The following GRM5 variants were observed in gnomAD, a reference collection of about 807,000 sequenced individuals.
GRM5 encodes the protein metabotropic glutamate receptor 5.
In GRM5, 19 loss-of-function variants were observed where a neutral mutation model predicts 83.1. The ratio of observed to expected loss-of-function variants is 0.23; its 90% CI spans 0.16 to 0.34. The LOEUF is 0.34. GRM5 is among the 10% of genes least tolerant of loss of function. The probability of loss-of-function intolerance (pLI) is 1.00; values close to 1 mark genes in which losing one functional copy is unlikely to be tolerated. For synonymous variants in GRM5, 675 were observed against 633.6 expected, an observed-to-expected ratio of 1.07 and a Z score of -0.98; for missense variants, 1,160 against 1,588.3, an observed-to-expected ratio of 0.73 and a Z score of 4.58.
At chr11:88,820,226 A>C (rs953409823) in intron 3 of GRM5, among the ~76,000 whole-genome samples, 1 of 104,896 alleles carries the variant, frequency 9.5e-6, no homozygotes, top group Non-Finnish European at 1.6e-5. Context: ...TAAAAAATAC[A>C]AAAAAAAAAA....
At chr11:89,000,201 C>T (rs1940326544) in intron 2 of GRM5, among the ~76,000 whole-genome samples, 1 of 152,002 alleles carries the variant, frequency 6.6e-6, no homozygotes. Flanking sequence ...AACAAACCTG[C>T]ATGTTGTGCA....
intron 2 of GRM5, among the ~76,000 whole-genome samples, chr11:88,987,625 A>G (rs1939774163): frequency 6.6e-6 from 1 of 151,666 alleles, no homozygotes; most frequent in African/African-American, 2.4e-5. Flanking sequence ...ACAGCTTTGA[A>G]GAGAGCAGTG....
chr11:88,646,892 A>G (rs958288787), intron 4 of GRM5, among the ~76,000 whole-genome samples: 3 of 92,670 alleles, frequency 3.2e-5, no homozygotes, highest in African/African-American at 5.5e-5. Flanking sequence ...TAAGGTTGCC[A>G]TTACAAAAAA....
intron 2 of GRM5, among the ~76,000 whole-genome samples, chr11:88,897,865 A>G (rs1292219873): frequency 6.6e-6 from 1 of 151,998 alleles, no homozygotes; most frequent in East Asian, 1.9e-4. Flanking sequence ...TTCTTTGTAA[A>G]GGAGAAAACA....
rs200343438 is a variant in GRM5 at position 88,978,474 on chromosome 11, T to TAAAAAAAAA, written c.661+68729_661+68737dup. The stretch of plus-strand genomic sequence containing the variant: ...TAACATTAACAACAGCAGATGAGCT[T>TAAAAAAAAA]AAAAAAAAAAAAAAAAAAAAAAAAA... On this transcript the variant is annotated intron_variant, in intron 2 of 9. Coordinates refer to ENST00000305447, the MANE Select transcript of GRM5 (RefSeq NM_001143831.3). Among the ~76,000 whole-genome samples, 33 of 97,972 alleles carry TAAAAAAAAA rather than the reference T, an allele frequency of 3.4e-4. 1 individual carries two copies. The highest frequency in any genetic ancestry group is 8.5e-4 in the African/African-American group (23 of 27,202). The allele number at this position is 97,972 out of a possible 152,430, so 64.3% of individuals were successfully genotyped here.
At chr11:89,015,607 G>T (rs1440362603) in intron 2 of GRM5, among the ~76,000 whole-genome samples, 2 of 152,088 alleles carry the variant, frequency 1.3e-5, no homozygotes, top group African/African-American at 4.8e-5. Flanking sequence ...TTAATCCAAA[G>T]CTACACAGAG....
intron 2 of GRM5, among the ~76,000 whole-genome samples, chr11:89,014,582 T>C (rs1001353395): frequency 2.6e-5 from 4 of 151,886 alleles, no homozygotes; most frequent in Admixed American, 2.0e-4. Context: ...AAAAACAAAA[T>C]AGAAAGAATG....
chr11:88,742,979 A>G (rs1942059354), intron 3 of GRM5, among the ~76,000 whole-genome samples: 2 of 152,140 alleles, frequency 1.3e-5, no homozygotes, highest in African/African-American at 2.4e-5. Context: ...GACTAGTATT[A>G]GAGAGGATAT....
intron 2 of GRM5, among the ~76,000 whole-genome samples, chr11:88,946,733 G>T (rs1004780160): frequency 6.6e-6 from 1 of 152,204 alleles, no homozygotes; most frequent in African/African-American, 2.4e-5. Context: ...TCCATGCAAA[G>T]TAATCAATTA....
intron 3 of GRM5, among the ~76,000 whole-genome samples, chr11:88,799,554 A>G (rs1329842076): frequency 6.6e-6 from 1 of 152,146 alleles, no homozygotes; most frequent in Non-Finnish European, 1.5e-5. Context: ...ATAAGTAGAC[A>G]ATGAAATAAA....
At chr11:88,917,478 T>C (rs1945615168) in intron 2 of GRM5, among the ~76,000 whole-genome samples, 1 of 152,118 alleles carries the variant, frequency 6.6e-6, no homozygotes, top group Non-Finnish European at 1.5e-5. Flanking sequence ...AAAACATGAC[T>C]TTGCCAAACT....
rs139284042 is a variant in GRM5, at chr11:88,874,789, T to G, written c.662-24634A>C. ...CAATAAAGCAAATATCACAGTAAAG[T>G]GAGTCACAAAATTTTTTGCTTTTCC... is the stretch of plus-strand genomic sequence containing the variant. On this transcript the variant is annotated intron_variant, in intron 2 of 9. Transcript: ENST00000305447. Among the ~76,000 whole-genome samples, 338 of 152,086 alleles carry G rather than the reference T, an allele frequency of 2.2e-3. 1 individual carries two copies. The highest frequency in any genetic ancestry group is 7.9e-3 in the African/African-American group (329 of 41,536).
At chr11:88,668,958 T>C (rs1352788231) in intron 3 of GRM5, among the ~76,000 whole-genome samples, 1 of 152,158 alleles carries the variant, frequency 6.6e-6, no homozygotes, top group African/African-American at 2.4e-5. Flanking sequence ...TTCTCACAGT[T>C]TATCCATAGC....
At chr11:88,617,828 G>GA (rs1349331080) in intron 4 of GRM5, among the ~76,000 whole-genome samples, 5 of 152,178 alleles carry the variant, frequency 3.3e-5, no homozygotes, top group African/African-American at 1.2e-4. Context: ...AGGCAGAGGT[G>GA]AAAACTAAAG....
intron 5 of GRM5, among the ~76,000 whole-genome samples, chr11:88,602,047 T>C (rs967203100): frequency 9.4e-5 from 14 of 149,190 alleles, no homozygotes; most frequent in African/African-American, 3.4e-4. Flanking sequence ...TTATCGGTAA[T>C]TGTGAAATCT....
intron 2 of GRM5, among the ~76,000 whole-genome samples, chr11:88,996,236 A>T (rs912842974): frequency 1.3e-5 from 2 of 152,206 alleles, no homozygotes; most frequent in Non-Finnish European, 2.9e-5. Flanking sequence ...TTTATCTCTG[A>T]AATCCATGAG....
At chr11:88,529,512 A>T (rs532143411) in intron 8 of GRM5, among the ~76,000 whole-genome samples, 45 of 152,060 alleles carry the variant, frequency 3.0e-4, no homozygotes, top group African/African-American at 1.0e-3. Flanking sequence ...TGTAAGAAGT[A>T]TAAAATAGGA....
chr11:88,717,159 T>A (rs912580943), intron 3 of GRM5, among the ~76,000 whole-genome samples: 1 of 152,000 alleles, frequency 6.6e-6, no homozygotes, highest in Non-Finnish European at 1.5e-5. Context: ...ACAAAGCCAC[T>A]TAAATAGGAA....
At chr11:88,660,429 G>A (rs1036426869) in intron 3 of GRM5, among the ~76,000 whole-genome samples, 7 of 152,082 alleles carry the variant, frequency 4.6e-5, no homozygotes, top group Admixed American at 3.3e-4. Context: ...ACTCTCAAAT[G>A]GCAACATGGT....
Sources: allele counts gnomAD v4.1 joint callset (sites outside exome capture counted in the v4.1 genomes callset), GRCh38; gene constraint gnomAD v4.1.1; transcripts MANE v1.5; gene names NCBI Gene and HGNC (gene_info 2026-07-23, HGNC 2026-07-21).